Variants in STARD13 observed in about 807,000 individuals in gnomAD.
STARD13 encodes the protein StAR related lipid transfer domain containing 13, also known as stAR-related lipid transfer protein 13.
Under a neutral mutation model 106.4 loss-of-function variants are expected in STARD13, and 62 were observed. The observed-to-expected ratio is 0.58, with a 90% CI of 0.48 to 0.72. The LOEUF (loss-of-function observed/expected upper bound fraction) is 0.72. STARD13 is among the 30% of genes least tolerant of loss of function. The pLI is 0.00. For missense variants in STARD13, 1,387 were observed against 1,424.0 expected, an observed-to-expected ratio of 0.97 and a Z score of 0.42; for synonymous variants, 565 against 553.0, an observed-to-expected ratio of 1.02 and a Z score of -0.31.
At chr13:33,572,117 T>TA in the STARD13 span, among the ~76,000 whole-genome samples, 3 of 152,218 alleles carry the variant, frequency 2.0e-5, no homozygotes, top group Admixed American at 2.0e-4. Context: ...AGTAGCATCC[T>TA]AATCGTCAAC....
the STARD13 span, among the ~76,000 whole-genome samples, chr13:33,402,960 G>A: frequency 2.0e-5 from 3 of 152,346 alleles, 1 homozygote; most frequent in South Asian, 6.2e-4. Flanking sequence ...TGGGACACTG[G>A]GCAAGAGCTC....
intron 1 of STARD13, among the ~76,000 whole-genome samples, chr13:33,254,188 G>A (rs555886996): frequency 4.5e-4 from 69 of 152,290 alleles, no homozygotes; most frequent in Admixed American, 2.2e-3. Flanking sequence ...GTGGCAAAGC[G>A]GACTGAGGTC....
chr13:33,606,444 C>T, the STARD13 span, among the ~76,000 whole-genome samples: 15 of 152,088 alleles, frequency 9.9e-5, no homozygotes, highest in Admixed American at 5.9e-4. Flanking sequence ...TTTTCACTAT[C>T]GCATTAATTT....
the STARD13 span, among the ~76,000 whole-genome samples, chr13:33,589,194 C>G: frequency 6.6e-6 from 1 of 152,090 alleles, no homozygotes; most frequent in Non-Finnish European, 1.5e-5. Flanking sequence ...CTCTTTTCTT[C>G]TTTATTAATC....
intron 3 of STARD13, chr13:33,158,897 C>T (rs1490501046): frequency 6.6e-6 from 1 of 152,338 alleles, no homozygotes; most frequent in Non-Finnish European, 1.5e-5. Context: ...TCCTCTGCTT[C>T]TTCCTTTGAT....
chr13:33,478,066 C>T, the STARD13 span, among the ~76,000 whole-genome samples: 45,649 of 152,060 alleles, frequency 0.3, 7,713 homozygotes, highest in Non-Finnish European at 0.39. Context: ...TTACCAACTC[C>T]TATTCCTTAC....
At chr13:33,147,207 G>A (rs150540066) in intron 3 of STARD13, among the ~76,000 whole-genome samples, 1 of 152,264 alleles carries the variant, frequency 6.6e-6, no homozygotes, top group East Asian at 1.9e-4. Context: ...AGAATATCTG[G>A]GAGAATGAGA....
At chr13:33,123,309 C>T (rs1876655367) in intron 7 of STARD13, among the ~76,000 whole-genome samples, 1 of 152,186 alleles carries the variant, frequency 6.6e-6, no homozygotes, top group South Asian at 2.1e-4. Flanking sequence ...AATATTAAAT[C>T]TCCCTCTTGG....
the STARD13 span, among the ~76,000 whole-genome samples, chr13:33,528,425 T>C: frequency 1.3e-5 from 2 of 150,788 alleles, no homozygotes; most frequent in Non-Finnish European, 3.0e-5. Flanking sequence ...TGTGCCACCA[T>C]GGCTGGCCAA....
intron 1 of STARD13, among the ~76,000 whole-genome samples, chr13:33,339,046 A>G (rs935112161): frequency 1.3e-5 from 2 of 152,176 alleles, no homozygotes; most frequent in Non-Finnish European, 2.9e-5. Context: ...GTTGTCTTCA[A>G]TAATCCCTTA....
intron 1 of STARD13, among the ~76,000 whole-genome samples, chr13:33,269,329 G>A (rs1051611030): frequency 1.3e-4 from 20 of 152,238 alleles, no homozygotes; most frequent in African/African-American, 4.6e-4. Context: ...GTGTGTTTCC[G>A]GCAACTTTCA....
At chr13:33,170,372 AAT>A in intron 1 of STARD13, among the ~76,000 whole-genome samples, 1 of 152,318 alleles carries the variant, frequency 6.6e-6, no homozygotes, top group African/African-American at 2.4e-5. Context: ...TGGACAGTGC[AAT>A]GGGGCTGAAG....
At chr13:33,610,146 T>C in the STARD13 span, among the ~76,000 whole-genome samples, 2 of 152,218 alleles carry the variant, frequency 1.3e-5, no homozygotes, top group African/African-American at 2.4e-5. Context: ...GGATATCATT[T>C]ACATAAATTT....
At chr13:33,524,744 A>G in the STARD13 span, among the ~76,000 whole-genome samples, 2 of 152,094 alleles carry the variant, frequency 1.3e-5, no homozygotes, top group Non-Finnish European at 2.9e-5. Context: ...TTAAAATTGT[A>G]TATATTTATG....
At chr13:33,106,592 G>A (rs1873738564) in intron 13 of STARD13, among the ~76,000 whole-genome samples, 166 bp downstream of exon 13, 1 of 152,160 alleles carries the variant, frequency 6.6e-6, no homozygotes, top group Non-Finnish European at 1.5e-5. Context: ...CAGGAAAGGG[G>A]GAAAGACAGA....
chr13:33,598,208 T>C, the STARD13 span, among the ~76,000 whole-genome samples: 2 of 152,200 alleles, frequency 1.3e-5, no homozygotes, highest in East Asian at 3.9e-4. Flanking sequence ...ATGCTACTCA[T>C]ATGGCTCCCT....
rs144923151 is a variant in STARD13 at position 33,112,830 on chromosome 13, C to G, written c.2383G>C (p.Asp795His). 2.0e-5 allele frequency: 33 copies of G among 1,613,998 alleles called. No homozygotes were observed. The African/African-American group carries it at 4.1e-4, about 20-fold the overall frequency. ...TTCTCTTCCACCAAGTTGACGACGT[C>G]GTTCAGGAAACACAAGAGCGTCTGC... is the stretch of plus-strand genomic sequence containing the variant. The part of the protein sequence containing the change: ...VLQTLLCFLN[D>H]VVNLVEENQM... The change falls in exon 9 of 14, where the codon GAC (aspartate) becomes CAC (histidine). Residue 795 changes from aspartate (D) to histidine (H), a missense_variant. Asp to His is a moderately conservative substitution (Grantham distance 81). Transcript: ENST00000336934.
intron 1 of STARD13, among the ~76,000 whole-genome samples, chr13:33,325,717 G>A (rs569456717): frequency 1.0e-3 from 152 of 152,214 alleles, no homozygotes; most frequent in African/African-American, 3.4e-3. Flanking sequence ...AAAAGTGGCC[G>A]GGCGCGGTGG....
intron 3 of STARD13, among the ~76,000 whole-genome samples, chr13:33,142,990 C>A (rs944854447): frequency 1.3e-5 from 2 of 152,110 alleles, no homozygotes; most frequent in African/African-American, 4.8e-5. Flanking sequence ...GATTAGTGTC[C>A]TTGTAAGAAG....
Sources: gnomAD v4.1 joint callset for allele counts (sites outside exome capture counted in the v4.1 genomes callset) on GRCh38, gnomAD v4.1.1 for gene constraint, MANE v1.5 for transcripts, NCBI Gene and HGNC (gene_info 2026-07-23, HGNC 2026-07-21) for gene names.